The following CCDC191 variants were observed in gnomAD, a reference collection of about 807,000 sequenced individuals.
CCDC191 encodes coiled-coil domain containing 191, also known as coiled-coil domain-containing protein 191.
Under a neutral mutation model 114.0 loss-of-function variants are expected in CCDC191, and 99 were observed. The observed-to-expected ratio is 0.87, with a 90% confidence interval of 0.74 to 1.03. The LOEUF (loss-of-function observed/expected upper bound fraction) is 1.03, where lower values mean the gene tolerates loss of function less well. CCDC191 is among the 50% of genes least tolerant of loss of function. The pLI is 0.00. For synonymous variants in CCDC191, 351 were observed against 376.0 expected (o/e 0.93, Z 0.77); for missense variants, 973 against 1,087.0 (o/e 0.90, Z 1.47).
At chr3:114,033,960 C>T (rs912980576) in intron 6 of CCDC191, among the ~76,000 whole-genome samples, 2 of 152,198 alleles carry the variant, frequency 1.3e-5, no homozygotes, top group African/African-American at 4.8e-5. Flanking sequence ...CCTCTCAGTT[C>T]GAGTAGTCAG....
intron 6 of CCDC191, among the ~76,000 whole-genome samples, chr3:114,034,255 A>C (rs1293848121): frequency 2.0e-5 from 3 of 152,234 alleles, no homozygotes; most frequent in African/African-American, 7.2e-5. Context: ...CAACCTTAAA[A>C]ATATTATCTA....
chr3:114,022,869 C>A (rs1461532310), intron 7 of CCDC191, among the ~76,000 whole-genome samples: 1 of 152,004 alleles, frequency 6.6e-6, no homozygotes, highest in East Asian at 1.9e-4. Context: ...GGCAATCAGG[C>A]AGGAGAAGGA....
intron 8 of CCDC191, among the ~76,000 whole-genome samples, chr3:114,018,083 A>C (rs1316362669): frequency 6.6e-6 from 1 of 152,248 alleles, no homozygotes; most frequent in Non-Finnish European, 1.5e-5. Context: ...GTGGAACAAA[A>C]GATGGTAGAG....
At chr3:114,000,100 A>C (rs1262100231) in intron 13 of CCDC191, among the ~76,000 whole-genome samples, 1 of 151,272 alleles carries the variant, frequency 6.6e-6, no homozygotes, top group East Asian at 1.9e-4. Context: ...TGTCAACTTG[A>C]CTATACCATG....
intron 11 of CCDC191, chr3:114,003,171 A>G: frequency 1.0e-6 from 1 of 985,438 alleles, no homozygotes; most frequent in Non-Finnish European, 1.2e-6. Flanking sequence ...GCTATTAAAT[A>G]TCGATCCAAA....
At chr3:114,052,874 G>A (rs1379585542) in intron 2 of CCDC191, among the ~76,000 whole-genome samples, 5 of 152,202 alleles carry the variant, frequency 3.3e-5, no homozygotes, top group Non-Finnish European at 4.4e-5. Context: ...GTCTTTTCCC[G>A]GGAAAATGCT....
chr3:114,008,138 A>AT (rs2076004846), intron 9 of CCDC191, among the ~76,000 whole-genome samples: 1 of 146,476 alleles, frequency 6.8e-6, no homozygotes, highest in Non-Finnish European at 1.5e-5. Flanking sequence ...ATATATAGTA[A>AT]TTTTTCTGTT....
intron 5 of CCDC191, among the ~76,000 whole-genome samples, chr3:114,035,904 C>T (rs1413432587): frequency 1.3e-5 from 2 of 152,130 alleles, no homozygotes; most frequent in Non-Finnish European, 2.9e-5. Context: ...TCTAACATCC[C>T]CAGTGCTGAT....
intron 16 of CCDC191, among the ~76,000 whole-genome samples, chr3:113,965,756 AT>A (rs993873411): frequency 1.7e-4 from 25 of 148,264 alleles, no homozygotes; most frequent in African/African-American, 5.5e-4. Flanking sequence ...TGCCTGGCTA[AT>A]TTTTTTTTTG....
chr3:113,980,409 T>TG (rs566354844), intron 14 of CCDC191, among the ~76,000 whole-genome samples: 12 of 152,182 alleles, frequency 7.9e-5, no homozygotes, highest in Non-Finnish European at 1.8e-4. Context: ...CATCTTACCT[T>TG]GGGGGGATCT....
chr3:113,977,569 T>G (rs1229706776), intron 16 of CCDC191, among the ~76,000 whole-genome samples: 1 of 152,208 alleles, frequency 6.6e-6, no homozygotes, highest in Non-Finnish European at 1.5e-5. Flanking sequence ...TATGATTCCA[T>G]GTATATAAAG....
At position 114,053,601 on chromosome 3, in the gene CCDC191, A is replaced by G. The variant is rs141652908; in HGVS notation, c.125T>C (p.Ile42Thr). The G allele has an allele frequency of 2.2e-5, 34 of 1,574,396 alleles. No individual in the cohort carries two copies. The African/African-American group carries it at 4.5e-4, about 21-fold the overall frequency. The change falls in exon 2 of 17, where the codon ATA (isoleucine) becomes ACA (threonine). Residue 42 changes from isoleucine (I) to threonine (T), a missense_variant. Coordinates refer to ENST00000295878, the MANE Select transcript of CCDC191 (RefSeq NM_020817.2). ...CTAAATTTGAAATATCCTTACCTTT[A>G]TCCAGTGTTCCACACTGTCAGGACC... ...TFGPDSVEHW[I>T]KRVEKASEFA... is the part of the protein sequence containing the mutation.
Position 113,978,292 on chromosome 3 carries a change from C to T in CCDC191, c.2500G>A (p.Val834Ile), listed in dbSNP as rs140650637. Residue 834 changes from valine (V) to isoleucine (I), a missense_variant, in exon 16 of 17, where the codon GTA (valine) becomes ATA (isoleucine). Physicochemically the swap from Val to Ile is conservative, Grantham distance 29. Transcript: ENST00000295878. ...DLQEEVRKFC[V>I]HFLQKKIFRA... ...AAAATCTTCTTTTGAAGAAAATGTA[C>T]ACAAAATTTTCTTACTTCTTCCTGC... 9.3e-6 allele frequency: 15 copies of T among 1,613,792 alleles called. No individual in the cohort carries two copies. In the African/African-American group the frequency reaches 1.9e-4, roughly 20 times the overall value.
intron 4 of CCDC191, among the ~76,000 whole-genome samples, chr3:114,040,921 TTTG>T (rs2076551493): frequency 1.3e-5 from 2 of 152,158 alleles, no homozygotes; most frequent in Admixed American, 6.6e-5. Flanking sequence ...TATGTTAGAT[TTTG>T]TTAAGTGCCT....
chr3:114,006,295 A>G (rs1249649631), intron 9 of CCDC191, among the ~76,000 whole-genome samples: 1 of 152,010 alleles, frequency 6.6e-6, no homozygotes, highest in African/African-American at 2.4e-5. Context: ...CTAAAGGTAC[A>G]AAAGTTGGCC....
At position 114,034,553 on chromosome 3, in the gene CCDC191, T is replaced by A. The variant is rs146866470; in HGVS notation, c.818+372A>T. The stretch of plus-strand genomic sequence containing the variant: ...CTATGCTTAAAGATGCTCATTGCAA[T>A]CTTATAATGGTGAAAAATCCAAAAT... On this transcript the variant is annotated intron_variant, in intron 6 of 16. Coordinates refer to ENST00000295878, the MANE Select transcript of CCDC191 (RefSeq NM_020817.2). 1.2e-3 allele frequency among the ~76,000 whole-genome samples: 178 copies of A among 152,304 alleles called. 1 individual carries two copies. Among genetic ancestry groups the A allele is most frequent in the East Asian group, 7.9e-3 (41 of 5,184 alleles).
chr3:114,050,034 A>C (rs1332487676), intron 2 of CCDC191, among the ~76,000 whole-genome samples: 1 of 152,238 alleles, frequency 6.6e-6, no homozygotes, highest in Non-Finnish European at 1.5e-5. Flanking sequence ...GTGTGCAATA[A>C]ACAACTCAAG....
In CCDC191 at chr3:114,002,502, C is replaced by G. The variant is rs1362572964; in HGVS notation, c.2015G>C (p.Arg672Thr). ...TTTCTTCTTCTCTGCCAAGATCCGC[C>G]TACATTCAGCTCGTTGAATTGCTCT... Reference protein sequence around the residue: ...EERAIQRAECRRILAEKKKKQ... With the variant: ...EERAIQRAECTRILAEKKKKQ... The change falls in exon 12 of 17, where the codon AGG becomes ACG. Residue 672 changes from arginine to threonine, a missense_variant. Coordinates refer to ENST00000295878, the MANE Select transcript of CCDC191 (RefSeq NM_020817.2). 6.2e-7 allele frequency: 1 copy of G among 1,611,466 alleles called. No homozygotes were observed. The highest frequency in any genetic ancestry group is 1.7e-5 in the Admixed American group (1 of 59,714).
chr3:113,970,719 C>A (rs952048191), intron 16 of CCDC191, among the ~76,000 whole-genome samples: 12 of 151,708 alleles, frequency 7.9e-5, no homozygotes, highest in East Asian at 7.7e-4. Context: ...CCCTCCCCGT[C>A]CCCCCACCCC....
Sources: allele counts gnomAD v4.1 joint callset (sites outside exome capture counted in the v4.1 genomes callset), GRCh38; gene constraint gnomAD v4.1.1; transcripts MANE v1.5; gene names NCBI Gene and HGNC (gene_info 2026-07-23, HGNC 2026-07-21).